Variants in MARCHF1 observed in about 807,000 individuals in gnomAD.
MARCHF1 encodes the protein E3 ubiquitin-protein ligase MARCHF1.
In MARCHF1, 40 loss-of-function variants were observed where a neutral mutation model predicts 54.2. The observed-to-expected ratio is 0.74, with a 90% CI of 0.57 to 0.96. The LOEUF is 0.96. MARCHF1 is among the 40% of genes least tolerant of loss of function. The probability of loss-of-function intolerance (pLI) is 0.00; values close to 1 mark genes in which losing one functional copy is unlikely to be tolerated. For synonymous variants in MARCHF1, 236 were observed against 236.3 expected, an observed-to-expected ratio of 1.00 and a Z score of 0.01; for missense variants, 586 against 656.5, an observed-to-expected ratio of 0.89 and a Z score of 1.17.
intron 1 of MARCHF1, among the ~76,000 whole-genome samples, chr4:164,336,147 G>A (rs1270907953): frequency 6.6e-6 from 1 of 152,052 alleles, no homozygotes; most frequent in Non-Finnish European, 1.5e-5. Flanking sequence ...GACCACCAAG[G>A]GGGAAAAATT....
At chr4:163,974,377 C>T (rs1423686520) in intron 3 of MARCHF1, among the ~76,000 whole-genome samples, 2 of 152,188 alleles carry the variant, frequency 1.3e-5, no homozygotes, top group Non-Finnish European at 2.9e-5. Context: ...GCCAATGACA[C>T]AAACAGCTAT....
At chr4:164,378,046 A>C (rs889787589) in intron 1 of MARCHF1, among the ~76,000 whole-genome samples, 4 of 152,264 alleles carry the variant, frequency 2.6e-5, no homozygotes, top group African/African-American at 9.6e-5. Flanking sequence ...ATATAAGGAC[A>C]GTATTCTGAT....
intron 1 of MARCHF1, among the ~76,000 whole-genome samples, chr4:164,258,837 T>G: frequency 6.6e-6 from 1 of 152,152 alleles, no homozygotes; most frequent in East Asian, 1.9e-4. Flanking sequence ...GTCTAAGGTA[T>G]GTTTTAATGA....
chr4:164,131,855 CAT>C (rs1258280286), intron 1 of MARCHF1, among the ~76,000 whole-genome samples: 1 of 152,086 alleles, frequency 6.6e-6, no homozygotes, highest in Non-Finnish European at 1.5e-5. Context: ...GTATTGAATA[CAT>C]GTTATACATG....
At chr4:163,981,869 A>G (rs1375099970) in intron 3 of MARCHF1, among the ~76,000 whole-genome samples, 5 of 152,212 alleles carry the variant, frequency 3.3e-5, no homozygotes, top group African/African-American at 1.2e-4. Flanking sequence ...GTCTCATTAA[A>G]TCAGTAAAAA....
At chr4:164,254,028 GATAAT>G (rs1560975428) in intron 1 of MARCHF1, among the ~76,000 whole-genome samples, 1 of 152,140 alleles carries the variant, frequency 6.6e-6, no homozygotes, top group Non-Finnish European at 1.5e-5. Flanking sequence ...ACTGAAAAGA[GATAAT>G]ATGAATGAGT....
chr4:164,100,818 G>A (rs1405707370), intron 2 of MARCHF1, among the ~76,000 whole-genome samples: 1 of 152,208 alleles, frequency 6.6e-6, no homozygotes, highest in East Asian at 1.9e-4. Flanking sequence ...CTACGCAGAA[G>A]ACAGGTGATT....
At chr4:164,074,243 C>A (rs1754928634) in intron 2 of MARCHF1, among the ~76,000 whole-genome samples, 1 of 152,150 alleles carries the variant, frequency 6.6e-6, no homozygotes, top group African/African-American at 2.4e-5. Context: ...CAAAGCTTTA[C>A]CACCACCTTT....
intron 9 of MARCHF1, among the ~76,000 whole-genome samples, chr4:163,542,004 G>A (rs1162475528): frequency 6.6e-6 from 1 of 152,216 alleles, no homozygotes; most frequent in Non-Finnish European, 1.5e-5. Context: ...TTCTAGAGCT[G>A]TCCCGCTGGC....
intron 1 of MARCHF1, among the ~76,000 whole-genome samples, chr4:164,142,744 A>C (rs563287240): frequency 6.6e-6 from 1 of 152,366 alleles, no homozygotes; most frequent in South Asian, 2.1e-4. Flanking sequence ...GAAAAACTGG[A>C]AACTCTAAAA....
rs867470781 is a variant in MARCHF1 at position 164,033,177 on chromosome 4, A to G, written c.-247-44468T>C. Among the ~76,000 whole-genome samples the G allele has an allele frequency of 6.5e-3, 893 of 137,426 alleles. 7 individuals carry two copies. Among genetic ancestry groups the G allele is most frequent in the African/African-American group, 0.024 (838 of 35,628 alleles). The allele number at this position is 137,426 out of a possible 152,430, so 90.2% of individuals were successfully genotyped here. ...TGACAGAGCAAGACTCCATCTCGGG[A>G]AAAAAAAAAAAAAAGAAAAGGTGCT... On this transcript the variant is annotated intron_variant, in intron 2 of 9. Transcript: ENST00000514618.
chr4:164,290,160 C>T (rs902607162), intron 1 of MARCHF1, among the ~76,000 whole-genome samples: 1 of 151,862 alleles, frequency 6.6e-6, no homozygotes, highest in African/African-American at 2.4e-5. Flanking sequence ...TAGAAATGTA[C>T]TCTTTCCAGT....
chr4:163,632,247 G>T (rs145865711), intron 5 of MARCHF1, among the ~76,000 whole-genome samples: 1 of 152,200 alleles, frequency 6.6e-6, no homozygotes, highest in Non-Finnish European at 1.5e-5. Flanking sequence ...GAGGAGCCAA[G>T]ATGGCCGAAT....
intron 4 of MARCHF1, among the ~76,000 whole-genome samples, chr4:163,772,168 C>T (rs1302703843): frequency 6.6e-6 from 1 of 151,918 alleles, no homozygotes; most frequent in Non-Finnish European, 1.5e-5. Flanking sequence ...TCTTAGTACC[C>T]AGCATATTCA....
At position 164,274,659 on chromosome 4, in the gene MARCHF1, C is replaced by CTTCTTTTTTTTTTTTTT. The variant is rs1733826760; in HGVS notation, c.-323+109210_-323+109211insAAAAAAAAAAAAAAGAA. ...CGCTTGATGTGTGCTTCAGGGTACA[C>CTTCTTTTTTTTTTTTTT]TTTTTTTTTTTTTTTTTTTTTTTTT... is the stretch of plus-strand genomic sequence containing the variant. On this transcript the variant is annotated intron_variant, in intron 1 of 9. Coordinates refer to ENST00000514618, the MANE Select transcript of MARCHF1 (RefSeq NM_001394959.1). Among the ~76,000 whole-genome samples, 213 of 44,654 alleles carry CTTCTTTTTTTTTTTTTT rather than the reference C, an allele frequency of 4.8e-3. 49 individuals are homozygous for CTTCTTTTTTTTTTTTTT. The highest frequency in any genetic ancestry group is 0.044 in the Middle Eastern group (3 of 68). 29.3% of individuals were successfully genotyped at this position (44,654 alleles called of 152,430 possible). A position where few individuals can be genotyped will look rare whatever the true frequency, so the allele number is the denominator to read the frequency against.
At chr4:163,580,062 ATTATTTAT>A (rs3085769) in intron 8 of MARCHF1, among the ~76,000 whole-genome samples, 53 of 144,276 alleles carry the variant, frequency 3.7e-4, no homozygotes, top group Non-Finnish European at 5.3e-4. Flanking sequence ...AGCCTTATTT[ATTATTTAT>A]TTATTTATTT....
chr4:163,716,920 ATTT>A (rs1184189949), intron 4 of MARCHF1, among the ~76,000 whole-genome samples: 1 of 152,168 alleles, frequency 6.6e-6, no homozygotes, highest in African/African-American at 2.4e-5. Flanking sequence ...ATACATATTA[ATTT>A]TTTATTATTT....
At chr4:163,848,916 T>C (rs2111156543) in intron 4 of MARCHF1, among the ~76,000 whole-genome samples, 1 of 152,272 alleles carries the variant, frequency 6.6e-6, no homozygotes, top group South Asian at 2.1e-4. Flanking sequence ...GAGAATTCTA[T>C]ACATAAAACG....
intron 4 of MARCHF1, among the ~76,000 whole-genome samples, chr4:163,779,697 T>C (rs1747407910): frequency 6.6e-6 from 1 of 152,158 alleles, no homozygotes; most frequent in Non-Finnish European, 1.5e-5. Context: ...CTGAAGTTAT[T>C]ATGAAACAGG....
Sources: gnomAD v4.1 joint callset for allele counts (sites outside exome capture counted in the v4.1 genomes callset) on GRCh38, gnomAD v4.1.1 for gene constraint, MANE v1.5 for transcripts, NCBI Gene and HGNC (gene_info 2026-07-23, HGNC 2026-07-21) for gene names.